Variants in THADA observed in about 807,000 individuals in gnomAD.
THADA encodes THADA armadillo repeat containing, also known as tRNA (32-2'-O)-methyltransferase regulator THADA.
A neutral mutation model predicts 219.8 loss-of-function variants in THADA; 213 were observed. The observed-to-expected ratio is 0.97, with a 90% CI of 0.87 to 1.09. The LOEUF is 1.09. THADA is among the 50% of genes least tolerant of loss of function. THADA has a pLI of 0.00. For missense variants in THADA, 2,956 were observed against 2,311.3 expected (o/e 1.28, Z -5.72); for synonymous variants, 1,018 against 828.9 (o/e 1.23, Z -3.92).
At chr2:43,497,923 G>A (rs1688474847) in intron 25 of THADA, among the ~76,000 whole-genome samples, 1 of 151,880 alleles carries the variant, frequency 6.6e-6, no homozygotes, top group South Asian at 2.1e-4. Flanking sequence ...CTAGATGACA[G>A]GTTGGTAGGT....
chr2:43,449,746 G>A (rs756733918), intron 26 of THADA, among the ~76,000 whole-genome samples: 1 of 152,150 alleles, frequency 6.6e-6, no homozygotes, highest in Non-Finnish European at 1.5e-5. Context: ...TCCAAGCTGG[G>A]TGACAGGGCA....
intron 22 of THADA, among the ~76,000 whole-genome samples, chr2:43,514,076 TAAA>T (rs1221748625): frequency 7.1e-6 from 1 of 141,092 alleles, no homozygotes; most frequent in African/African-American, 2.6e-5. Flanking sequence ...AAAAAAAAAA[TAAA>T]GAACAAGAAA....
intron 25 of THADA, among the ~76,000 whole-genome samples, chr2:43,490,270 C>T (rs1687464885): frequency 6.6e-6 from 1 of 152,138 alleles, no homozygotes; most frequent in African/African-American, 2.4e-5. Context: ...TATTTAAGAT[C>T]ATGTCATCAG....
At chr2:43,448,700 A>G (rs767468627) in intron 26 of THADA, among the ~76,000 whole-genome samples, 12 of 151,792 alleles carry the variant, frequency 7.9e-5, no homozygotes, top group African/African-American at 2.7e-4. Flanking sequence ...CACACACCCA[A>G]TGAAAGGTGC....
chr2:43,492,936 C>G (rs1687823241), intron 25 of THADA, among the ~76,000 whole-genome samples: 1 of 152,202 alleles, frequency 6.6e-6, no homozygotes, highest in Non-Finnish European at 1.5e-5. Context: ...TCCTCTAGGT[C>G]AATGAAGCTC....
At chr2:43,536,897 C>G (rs1558930493) in intron 21 of THADA, among the ~76,000 whole-genome samples, 1 of 152,144 alleles carries the variant, frequency 6.6e-6, no homozygotes, top group Non-Finnish European at 1.5e-5. Context: ...AAGTGTTTAT[C>G]AGAGTACCTG....
intron 31 of THADA, among the ~76,000 whole-genome samples, chr2:43,310,231 C>CT (rs938966285): frequency 8.0e-6 from 1 of 124,794 alleles, no homozygotes; most frequent in Non-Finnish European, 1.7e-5. Flanking sequence ...TTCCCGCCCC[C>CT]CCCCCAAACA....
At chr2:43,466,197 A>G (rs1469542261) in intron 26 of THADA, among the ~76,000 whole-genome samples, 2 of 152,224 alleles carry the variant, frequency 1.3e-5, no homozygotes, top group East Asian at 3.8e-4. Context: ...AAAGGATTCC[A>G]TGATTCAATA....
intron 31 of THADA, among the ~76,000 whole-genome samples, chr2:43,316,176 C>T (rs1007720117): frequency 5.3e-5 from 8 of 152,230 alleles, no homozygotes; most frequent in Non-Finnish European, 1.0e-4. Flanking sequence ...AAACTCTGTT[C>T]AACCACTTCC....
intron 15 of THADA, chr2:43,563,712 T>C (rs976356134): frequency 2.0e-5 from 3 of 152,196 alleles, no homozygotes; most frequent in Admixed American, 6.5e-5. Context: ...ATAAGAAAGA[T>C]GCATGCAACT....
In THADA at chr2:43,499,042, C is replaced by CA. The variant is rs1031315941; in HGVS notation, c.3622-88dup. On this transcript the variant is annotated intron_variant, in intron 24 of 37. Transcript: ENST00000405975. ...CATATCCAATAGTACAGCTTCAAAA[C>CA]AAAAAATTTACTGAATTACAAGAAA... 5.2e-6 allele frequency: 7 copies of CA among 1,347,674 alleles called. No homozygotes were observed. The African/African-American group carries it at 7.4e-5, about 14-fold the overall frequency. The allele number at this position is 1,347,674 out of a possible 1,614,324, so 83.5% of individuals were successfully genotyped here.
At chr2:43,267,433 A>T (rs977946461) in intron 36 of THADA, among the ~76,000 whole-genome samples, 1 of 152,198 alleles carries the variant, frequency 6.6e-6, no homozygotes, top group African/African-American at 2.4e-5. Flanking sequence ...AAGATGGCAG[A>T]TTGCGAGAAG....
rs140720443 is a variant in THADA at position 43,424,045 on chromosome 2, T to A, written c.4058+4055A>T. 2.0e-4 allele frequency among the ~76,000 whole-genome samples: 31 copies of A among 152,286 alleles called. No individual in the cohort carries two copies. In the East Asian group the frequency reaches 5.4e-3, roughly 27 times the overall value. On this transcript the variant is annotated intron_variant, in intron 28 of 37. Transcript: ENST00000405975. ...CTTTGTATCTGGATGCAGCACAACA[T>A]CAGAACATAAAATACACTGGATTTT...
At chr2:43,332,096 A>T (rs745688719) in intron 30 of THADA, among the ~76,000 whole-genome samples, 2 of 152,100 alleles carry the variant, frequency 1.3e-5, no homozygotes, top group East Asian at 3.9e-4. Flanking sequence ...TATTATTATT[A>T]TTTTTTTGAG....
At chr2:43,427,850 G>A (rs974213332) in intron 28 of THADA, among the ~76,000 whole-genome samples, 6 of 149,502 alleles carry the variant, frequency 4.0e-5, no homozygotes, top group South Asian at 2.1e-4. Context: ...CAGCTACTCC[G>A]GAGGCTGAGG....
intron 36 of THADA, among the ~76,000 whole-genome samples, chr2:43,254,749 C>T (rs1016006063): frequency 2.0e-5 from 3 of 152,146 alleles, no homozygotes; most frequent in African/African-American, 7.2e-5. Context: ...TGGATAAAGT[C>T]TAACTGAACA....
chr2:43,580,606 C>A (rs1012757329), intron 8 of THADA, among the ~76,000 whole-genome samples: 1 of 151,862 alleles, frequency 6.6e-6, no homozygotes, highest in Non-Finnish European at 1.5e-5. Flanking sequence ...TGAGGCCAGG[C>A]GCGGTGGCTC....
chr2:43,319,571 C>T (rs1678455968), intron 31 of THADA, among the ~76,000 whole-genome samples: 2 of 152,274 alleles, frequency 1.3e-5, no homozygotes, highest in African/African-American at 4.8e-5. Flanking sequence ...GAACAGGGTT[C>T]CATATGAACA....
chr2:43,459,970 C>T (rs766211425), intron 26 of THADA, among the ~76,000 whole-genome samples: 3 of 152,128 alleles, frequency 2.0e-5, no homozygotes, highest in Non-Finnish European at 4.4e-5. Flanking sequence ...ATGCATCTTC[C>T]TCAAACTCAA....
Sources: gnomAD v4.1 joint callset for allele counts (sites outside exome capture counted in the v4.1 genomes callset) on GRCh38, gnomAD v4.1.1 for gene constraint, MANE v1.5 for transcripts, NCBI Gene and HGNC (gene_info 2026-07-23, HGNC 2026-07-21) for gene names.